Variants in DPYSL2 observed in about 807,000 individuals in gnomAD.
The protein encoded by DPYSL2 is dihydropyrimidinase-related protein 2.
In DPYSL2, 13 loss-of-function variants were observed where a neutral mutation model predicts 69.9. The ratio of observed to expected loss-of-function variants is 0.19; its 90% CI spans 0.12 to 0.30. DPYSL2 has a LOEUF of 0.30. Ranked by LOEUF, DPYSL2 falls within the 10% of genes least tolerant of loss-of-function variation. The pLI is 1.00. For synonymous variants in DPYSL2, 326 were observed against 359.1 expected (o/e 0.91, Z 1.04); for missense variants, 587 against 918.9 (o/e 0.64, Z 4.67).
intron 1 of DPYSL2, chr8:26,576,920 G>GC: frequency 3.6e-6 from 1 of 278,724 alleles, no homozygotes; most frequent in South Asian, 2.6e-5. Flanking sequence ...AATGCGCTGC[G>GC]CCCCCACGCA....
At position 26,551,168 on chromosome 8, in the gene DPYSL2, G is replaced by A. The variant is rs577376336; in HGVS notation, c.355-30801G>A. Among the ~76,000 whole-genome samples, 30 of 152,286 alleles carry A rather than the reference G, an allele frequency of 2.0e-4. 1 individual carries two copies. In the South Asian group the frequency reaches 4.1e-3, roughly 21 times the overall value. On this transcript the variant is annotated intron_variant, in intron 1 of 13. Coordinates refer to ENST00000521913, the MANE Select transcript of DPYSL2 (RefSeq NM_001197293.3). ...GGATGGTCTCAGTGCCTACTGACGCGCTGAGAATAATTGATCCTTTACCAG... is the reference window on the plus strand; with the variant it reads ...GGATGGTCTCAGTGCCTACTGACGCACTGAGAATAATTGATCCTTTACCAG...
chr8:26,563,980 T>C (rs1033692468), intron 1 of DPYSL2, among the ~76,000 whole-genome samples: 3 of 152,066 alleles, frequency 2.0e-5, no homozygotes, highest in African/African-American at 7.2e-5. Context: ...TAAGGGATCA[T>C]TGATATTTAA....
chr8:26,634,952 AG>A (rs35690946), intron 8 of DPYSL2, 52 bp downstream of exon 8: 35 of 1,605,494 alleles, frequency 2.2e-5, no homozygotes, highest in Non-Finnish European at 2.6e-5. Flanking sequence ...TTTGGAGGGG[AG>A]GGGGGCTCCT....
At chr8:26,637,542 C>G (rs1217369722) in intron 8 of DPYSL2, 1 of 152,182 alleles carries the variant, frequency 6.6e-6, no homozygotes, top group African/African-American at 2.4e-5. Context: ...TACGGTGATG[C>G]TTGTGACCTG....
chr8:26,609,599 G>T lies in DPYSL2; in HGVS notation c.629-14544G>T, dbSNP rs1396219221. ...CCGTAGCCCCAGGCAACCAAAAGCT[G>T]AGACAAACAGAGGAAGTGTCGTTAT... On this transcript the variant is annotated intron_variant, in intron 3 of 13. Coordinates refer to ENST00000521913, the MANE Select transcript of DPYSL2 (RefSeq NM_001197293.3). This position sits in a 1 kb window ranked among gnomAD's most constrained non-coding sequence, Gnocchi z 6.5. Among the ~76,000 whole-genome samples, 1 of 152,156 alleles carries T rather than the reference G, an allele frequency of 6.6e-6. No individual in the cohort carries two copies. Among genetic ancestry groups the T allele is most frequent in the Non-Finnish European group, 1.5e-5 (1 of 68,030 alleles).
Position 26,514,244 on chromosome 8 carries a change from G to T in DPYSL2, c.-82G>T. ...ACGGCAGCCGCGGCAGCAGCTAGGG[G>T]GCTTGTGCACACAGCGAGGGAGACT... On this transcript the variant is annotated 5_prime_UTR_variant, in exon 1 of 14. Transcript: ENST00000521913. This position sits in a 1 kb window ranked among gnomAD's most constrained non-coding sequence, Gnocchi z 8.4. 1 of 1,231,438 alleles carries T rather than the reference G, an allele frequency of 8.1e-7. No individual in the cohort carries two copies. The highest frequency in any genetic ancestry group is 1.1e-6 in the Non-Finnish European group (1 of 937,328). The allele number at this position is 1,231,438 out of a possible 1,614,324, so 76.3% of individuals were successfully genotyped here.
intron 7 of DPYSL2, among the ~76,000 whole-genome samples, chr8:26,632,026 A>G (rs1279815132): frequency 6.6e-6 from 1 of 152,136 alleles, no homozygotes; most frequent in African/African-American, 2.4e-5. Flanking sequence ...TAGTTTGGTG[A>G]CCTATCCATC....
In DPYSL2 at chr8:26,591,955, G is replaced by A. The variant is rs1460557134; in HGVS notation, c.628+7972G>A. ...GTTTAGTAAGCAGGCATATACCCAC[G>A]GAGTCGCTTAAGAAAACACCTAACC... On this transcript the variant is annotated intron_variant, in intron 3 of 13. Transcript: ENST00000521913. The surrounding 1 kb of genome is among the most constrained non-coding windows in gnomAD (Gnocchi z 5.8). Among the ~76,000 whole-genome samples the A allele has an allele frequency of 1.3e-5, 2 of 152,152 alleles. No individual in the cohort carries two copies. The highest frequency in any genetic ancestry group is 6.5e-5 in the Admixed American group (1 of 15,284).
rs2129805413 is a variant in DPYSL2, at chr8:26,598,829, G to A, written c.628+14846G>A. 6.6e-6 allele frequency among the ~76,000 whole-genome samples: 1 copy of A among 152,258 alleles called. No individual in the cohort carries two copies. Among genetic ancestry groups the A allele is most frequent in the South Asian group, 2.1e-4 (1 of 4,824 alleles). ...ATCTTTCTTTCATTTTGCAGGCGGTGGGGGTGGGGGAATGAAAGCCCAGAA... is the reference window on the plus strand; with the variant it reads ...ATCTTTCTTTCATTTTGCAGGCGGTAGGGGTGGGGGAATGAAAGCCCAGAA... On this transcript the variant is annotated intron_variant, in intron 3 of 13. Coordinates refer to ENST00000521913, the MANE Select transcript of DPYSL2 (RefSeq NM_001197293.3). The surrounding 1 kb of genome is among the most constrained non-coding windows in gnomAD (Gnocchi z 4.2).
chr8:26,556,482 A>G (rs942703219), intron 1 of DPYSL2, among the ~76,000 whole-genome samples: 2 of 130,546 alleles, frequency 1.5e-5, no homozygotes, highest in African/African-American at 3.1e-5. Flanking sequence ...TTAAATGATT[A>G]TATCAAGATT....
At chr8:26,577,855 T>TC (rs1801391310) in intron 1 of DPYSL2, 1 of 1,068,732 alleles carries the variant, frequency 9.4e-7, no homozygotes, top group African/African-American at 1.7e-5. Context: ...TCGCTGCTCG[T>TC]CTCTCTCGAA....
intron 11 of DPYSL2, among the ~76,000 whole-genome samples, chr8:26,649,944 A>C (rs1186057468): frequency 2.0e-5 from 3 of 152,148 alleles, no homozygotes; most frequent in Non-Finnish European, 4.4e-5. Context: ...TCCATCTTTT[A>C]AAAATGATAG....
intron 1 of DPYSL2, among the ~76,000 whole-genome samples, chr8:26,519,123 T>A (rs1808343956): frequency 6.6e-6 from 1 of 152,358 alleles, no homozygotes; most frequent in Non-Finnish European, 1.5e-5. Flanking sequence ...CATGGCTCTA[T>A]ACCATGGAAA....
chr8:26,514,569 T>A lies in DPYSL2; in HGVS notation c.244T>A (p.Tyr82Asn), dbSNP rs879486105. The A allele has an allele frequency of 6.6e-7, 1 of 1,526,650 alleles. No individual in the cohort carries two copies. Among genetic ancestry groups the A allele is most frequent in the Non-Finnish European group, 8.8e-7 (1 of 1,142,480 alleles). 94.6% of individuals were successfully genotyped at this position (1,526,650 alleles called of 1,614,324 possible). Reference sequence around the variant, plus strand: ...CTTGGGCCCGGACCCGCAGCCGCCGTACTCGCGGCAGGGCCGGCGCGCCGG... The same window carrying A: ...CTTGGGCCCGGACCCGCAGCCGCCGAACTCGCGGCAGGGCCGGCGCGCCGG... ...AHLGPDPQPP[Y>N]SRQGRRAGGE... is the part of the protein sequence containing the mutation. Residue 82 changes from tyrosine (Y) to asparagine (N), a missense_variant, in exon 1 of 14, where the codon TAC becomes AAC. Around this residue, in one of 3 missense-constraint regions of DPYSL2, gnomAD observed 85 missense variants for 77.7 expected, o/e 1.09. Coordinates refer to ENST00000521913, the MANE Select transcript of DPYSL2 (RefSeq NM_001197293.3). The surrounding 1 kb of genome is among the most constrained non-coding windows in gnomAD (Gnocchi z 8.4).
At position 26,657,051 on chromosome 8, in the gene DPYSL2, G is replaced by A. The variant is rs1346019847; in HGVS notation, c.*1345G>A. The A allele has an allele frequency of 6.6e-6, 1 of 151,958 alleles. No individual in the cohort carries two copies. Among genetic ancestry groups the A allele is most frequent in the Non-Finnish European group, 1.5e-5 (1 of 67,980 alleles). The allele number at this position is 151,958 out of a possible 1,614,324, so 9.4% of individuals were successfully genotyped here. ...GAACACATGGGAGCTTTTTATTTTC[G>A]GGGAAAAACCGTATTTTTTTCTTGT... On this transcript the variant is annotated 3_prime_UTR_variant, in exon 14 of 14. Transcript: ENST00000521913.
chr8:26,637,154 C>T (rs1356441811), intron 8 of DPYSL2, among the ~76,000 whole-genome samples: 2 of 152,154 alleles, frequency 1.3e-5, no homozygotes, highest in Admixed American at 1.3e-4. Flanking sequence ...CCAAATGTGC[C>T]CACACCATGG....
intron 3 of DPYSL2, among the ~76,000 whole-genome samples, chr8:26,606,839 A>G (rs761918184): frequency 1.9e-4 from 29 of 152,196 alleles, no homozygotes; most frequent in South Asian, 2.1e-4. Flanking sequence ...ATAAATGTCA[A>G]TTCTGAGGGG....
At position 26,604,992 on chromosome 8, in the gene DPYSL2, G is replaced by A. The variant is rs138509021; in HGVS notation, c.629-19151G>A. On this transcript the variant is annotated intron_variant, in intron 3 of 13. Transcript: ENST00000521913. ...GCATTTACCATGGGAAATTGTTAGC[G>A]TGGTCATCATTTGGTCTGCTTTAGT... 1.8e-3 allele frequency among the ~76,000 whole-genome samples: 268 copies of A among 152,236 alleles called. 1 individual carries two copies. The highest frequency in any genetic ancestry group is 5.7e-3 in the African/African-American group (235 of 41,546).
chr8:26,597,915 A>G lies in DPYSL2; in HGVS notation c.628+13932A>G, dbSNP rs1452441415. On this transcript the variant is annotated intron_variant, in intron 3 of 13. Coordinates refer to ENST00000521913, the MANE Select transcript of DPYSL2 (RefSeq NM_001197293.3). The surrounding 1 kb of genome is among the most constrained non-coding windows in gnomAD (Gnocchi z 5.2). Reference sequence around the variant, plus strand: ...AGAAACATGAAGTGTAATGGAAAGAATTTGAGGCCCAACCTTCTTGATGAT... The same window carrying G: ...AGAAACATGAAGTGTAATGGAAAGAGTTTGAGGCCCAACCTTCTTGATGAT... Among the ~76,000 whole-genome samples the G allele has an allele frequency of 1.3e-5, 2 of 152,040 alleles. No individual in the cohort carries two copies. The highest frequency in any genetic ancestry group is 4.8e-5 in the African/African-American group (2 of 41,384).
Sources: allele counts gnomAD v4.1 joint callset (sites outside exome capture counted in the v4.1 genomes callset), GRCh38; gene constraint gnomAD v4.1.1; regional missense constraint gnomAD v4.1.1; non-coding constraint Gnocchi (gnomAD v3.1); transcripts MANE v1.5; gene names NCBI Gene and HGNC (gene_info 2026-07-23, HGNC 2026-07-21).